Variants in DEPDC5 observed in about 807,000 individuals in gnomAD.
The protein encoded by DEPDC5 is GATOR1 complex protein DEPDC5.
A neutral mutation model predicts 217.3 loss-of-function variants in DEPDC5; 73 were observed. The ratio of observed to expected loss-of-function variants is 0.34; its 90% confidence interval spans 0.28 to 0.41. DEPDC5 has a LOEUF of 0.41. Ranked by LOEUF, DEPDC5 falls within the 10% of genes least tolerant of loss-of-function variation. DEPDC5 has a pLI of 1.00. For synonymous variants in DEPDC5, 733 were observed against 756.7 expected (o/e 0.97, Z 0.51); for missense variants, 1,675 against 2,070.1 (o/e 0.81, Z 3.70).
At chr22:31,825,013 T>C (rs1360127486) in intron 24 of DEPDC5, among the ~76,000 whole-genome samples, 3 of 151,520 alleles carry the variant, frequency 2.0e-5, no homozygotes, top group Non-Finnish European at 4.4e-5. Flanking sequence ...AAAGTACCTT[T>C]AGAGGGGCTA....
At chr22:31,774,569 G>A (rs749748941) in intron 7 of DEPDC5, among the ~76,000 whole-genome samples, 16 of 151,990 alleles carry the variant, frequency 1.1e-4, no homozygotes, top group Middle Eastern at 3.4e-3. Flanking sequence ...GGCTGGGTGC[G>A]GTGGCTCATG....
chr22:31,886,232 C>G (rs1345736080), intron 38 of DEPDC5, among the ~76,000 whole-genome samples: 1 of 152,082 alleles, frequency 6.6e-6, no homozygotes, highest in Non-Finnish European at 1.5e-5. Flanking sequence ...CTGTGTTGCC[C>G]AGGCTGGTCA....
chr22:31,865,432 G>A (rs917592359), intron 33 of DEPDC5, among the ~76,000 whole-genome samples: 3 of 152,134 alleles, frequency 2.0e-5, no homozygotes, highest in African/African-American at 7.2e-5. Context: ...AGGTTGAGGT[G>A]GGGACAGTGA....
intron 31 of DEPDC5, among the ~76,000 whole-genome samples, chr22:31,850,027 G>A (rs975576528): frequency 6.6e-6 from 1 of 152,046 alleles, no homozygotes; most frequent in East Asian, 1.9e-4. Context: ...GCTGAGGCAC[G>A]AGAATAGCTT....
At position 31,907,318 on chromosome 22, in the gene DEPDC5, T is replaced by C. The variant is rs2093771344; in HGVS notation, c.*821T>C. The stretch of plus-strand genomic sequence containing the variant: ...TGAGCTCAGCTCTGGGACGCAGATA[T>C]GATGGCATTCTGAAAAAAATCAAAG... On this transcript the variant is annotated 3_prime_UTR_variant, in exon 43 of 43. Transcript: ENST00000651528. 1 of 152,222 alleles carries C rather than the reference T, an allele frequency of 6.6e-6. No homozygotes were observed. The highest frequency in any genetic ancestry group is 1.5e-5 in the Non-Finnish European group (1 of 68,036). The allele number at this position is 152,222 out of a possible 1,614,324, so 9.4% of individuals were successfully genotyped here.
intron 18 of DEPDC5, among the ~76,000 whole-genome samples, chr22:31,808,165 G>A (rs1388401455): frequency 2.6e-5 from 4 of 151,168 alleles, no homozygotes; most frequent in Non-Finnish European, 5.9e-5. Flanking sequence ...GTGGGATCTC[G>A]GCTCACTGCA....
At chr22:31,868,916 G>A (rs1267902244) in intron 33 of DEPDC5, among the ~76,000 whole-genome samples, 1 of 152,058 alleles carries the variant, frequency 6.6e-6, no homozygotes, top group African/African-American at 2.4e-5. Context: ...ATGCTGCTGG[G>A]CTTCCGGGTG....
rs777200870 is a variant in DEPDC5 at position 31,874,280 on chromosome 22, G to C, written c.3571G>C (p.Val1191Leu). ...LEAMKHPSTG[V>L]QLLSEQKGLS... The stretch of plus-strand genomic sequence containing the variant: ...CACCGTGTTGGAACCCAGGACAGGA[G>C]TCCAGCTGCTCTCTGAACAGAAGGG... The change falls in exon 36 of 43, where the codon GTC becomes CTC. Residue 1191 changes from valine (V) to leucine (L), a missense_variant. Transcript: ENST00000651528. The C allele has an allele frequency of 3.7e-6, 6 of 1,607,024 alleles. No individual in the cohort carries two copies. Among genetic ancestry groups the C allele is most frequent in the Non-Finnish European group, 4.2e-6 (5 of 1,176,558 alleles).
chr22:31,829,281 C>G (rs568879254), intron 24 of DEPDC5, among the ~76,000 whole-genome samples: 1 of 152,282 alleles, frequency 6.6e-6, no homozygotes, highest in Non-Finnish European at 1.5e-5. Flanking sequence ...CCTGTAATCC[C>G]AGCACTTTGG....
At chr22:31,794,146 G>C (rs771818819) in intron 12 of DEPDC5, among the ~76,000 whole-genome samples, 4 of 152,148 alleles carry the variant, frequency 2.6e-5, no homozygotes, top group Non-Finnish European at 4.4e-5. Context: ...TTTGACCACT[G>C]TATTCCTCAA....
intron 7 of DEPDC5, among the ~76,000 whole-genome samples, chr22:31,775,341 G>A (rs2083732031): frequency 6.6e-6 from 1 of 151,902 alleles, no homozygotes; most frequent in Non-Finnish European, 1.5e-5. Context: ...CACCACGCCT[G>A]GCTAATTTTT....
chr22:31,901,025 T>A (rs925550715), intron 40 of DEPDC5, among the ~76,000 whole-genome samples: 1 of 152,022 alleles, frequency 6.6e-6, no homozygotes, highest in African/African-American at 2.4e-5. Context: ...GGCGGATCAC[T>A]TGAGGTCAGG....
intron 7 of DEPDC5, among the ~76,000 whole-genome samples, chr22:31,771,259 C>A (rs539578712): frequency 6.6e-6 from 1 of 152,198 alleles, no homozygotes; most frequent in African/African-American, 2.4e-5. Context: ...GAATGAAATA[C>A]TGATCCTAAA....
chr22:31,810,503 ATTAT>A lies in DEPDC5; in HGVS notation c.1325-15_1325-12del, dbSNP rs2088155580. On this transcript the variant is annotated splice_polypyrimidine_tract_variant and intron_variant, in intron 19 of 42. Coordinates refer to ENST00000651528, the MANE Select transcript of DEPDC5 (RefSeq NM_001242896.3). ...TGAAATGTATTTGATGACAATTTAT[ATTAT>A]TTGTGTATTTCAGCTCTCGGGAGTC... is the stretch of plus-strand genomic sequence containing the variant. 6.2e-7 allele frequency: 1 copy of A among 1,613,590 alleles called. No homozygotes were observed. The highest frequency in any genetic ancestry group is 1.1e-5 in the South Asian group (1 of 90,968).
intron 5 of DEPDC5, among the ~76,000 whole-genome samples, chr22:31,765,556 T>C (rs1198780938): frequency 6.6e-6 from 1 of 151,784 alleles, no homozygotes; most frequent in African/African-American, 2.4e-5. Flanking sequence ...CCCAGAGTGC[T>C]GGGATTCCAG....
rs762360330 is a variant in DEPDC5 at position 31,809,691 on chromosome 22, G to T, written c.1324+44G>T. On this transcript the variant is annotated intron_variant, in intron 19 of 42. Transcript: ENST00000651528. ...TTTTTTTCTTGCTTTTAAAAAGAGA[G>T]TCAGCTGGCTGGGTGCAGTGGCTCA... 1.9e-6 allele frequency: 3 copies of T among 1,607,984 alleles called. No individual in the cohort carries two copies. The Admixed American group carries it at 5.0e-5, about 27-fold the overall frequency.
intron 14 of DEPDC5, among the ~76,000 whole-genome samples, chr22:31,799,019 A>G (rs1180832971): frequency 6.7e-6 from 1 of 150,144 alleles, no homozygotes. Context: ...TCAAGAATCT[A>G]TATTATTATC....
chr22:31,768,566 G>T (rs1447962327), intron 6 of DEPDC5, among the ~76,000 whole-genome samples: 1 of 152,094 alleles, frequency 6.6e-6, no homozygotes, highest in Non-Finnish European at 1.5e-5. Context: ...CATCCACCTG[G>T]TCTTTGCTAT....
rs1476103970 is a variant in DEPDC5, at chr22:31,879,067, T to TATAC, written c.3806-457_3806-456insTACA. ...AAATATATATATATATATATATATA[T>TATAC]ACACACACACACACGTATATATATA... On this transcript the variant is annotated intron_variant, in intron 37 of 42. Coordinates refer to ENST00000651528, the MANE Select transcript of DEPDC5 (RefSeq NM_001242896.3). Among the ~76,000 whole-genome samples the TATAC allele has an allele frequency of 2.3e-4, 31 of 133,966 alleles. 1 individual carries two copies. Among genetic ancestry groups the TATAC allele is most frequent in the East Asian group, 1.2e-3 (6 of 4,918 alleles). The allele number at this position is 133,966 out of a possible 152,430, so 87.9% of individuals were successfully genotyped here. A position where few individuals can be genotyped will look rare whatever the true frequency, so the allele number is the denominator to read the frequency against.
Sources: allele counts gnomAD v4.1 joint callset (sites outside exome capture counted in the v4.1 genomes callset), GRCh38; gene constraint gnomAD v4.1.1; transcripts MANE v1.5; gene names NCBI Gene and HGNC (gene_info 2026-07-23, HGNC 2026-07-21).